Variants in FAT4 observed in about 807,000 individuals in gnomAD.
FAT4 encodes protocadherin Fat 4.
Under a neutral mutation model 303.9 loss-of-function variants are expected in FAT4, and 84 were observed. The ratio of observed to expected loss-of-function variants is 0.28; its 90% CI spans 0.23 to 0.33. The LOEUF is 0.33. Ranked by LOEUF, FAT4 falls within the 10% of genes least tolerant of loss-of-function variation. The pLI, the probability that FAT4 is intolerant of heterozygous loss-of-function variation, is 1.00. For synonymous variants in FAT4, 2,307 were observed against 2,298.8 expected, an observed-to-expected ratio of 1.00 and a Z score of -0.10; for missense variants, 6,005 against 6,146.8, an observed-to-expected ratio of 0.98 and a Z score of 0.77.
At chr4:125,489,170 G>A (rs908285007) in intron 17 of FAT4, among the ~76,000 whole-genome samples, 4 of 152,170 alleles carry the variant, frequency 2.6e-5, no homozygotes, top group Non-Finnish European at 5.9e-5. Flanking sequence ...TGGAAATTAC[G>A]CTTTTTGTAG....
chr4:125,392,259 T>C (rs1009047489), intron 2 of FAT4, among the ~76,000 whole-genome samples: 8 of 152,158 alleles, frequency 5.3e-5, no homozygotes, highest in African/African-American at 1.9e-4. Flanking sequence ...GTGCAAAGTT[T>C]GTCATAATTT....
At chr4:125,358,500 G>A (rs528970886) in intron 2 of FAT4, among the ~76,000 whole-genome samples, 14 of 152,036 alleles carry the variant, frequency 9.2e-5, no homozygotes, top group African/African-American at 3.1e-4. Context: ...CATCACCATT[G>A]GATTCTCATA....
At chr4:125,419,176 G>T (rs552541592) in intron 7 of FAT4, among the ~76,000 whole-genome samples, 1 of 152,202 alleles carries the variant, frequency 6.6e-6, no homozygotes, top group East Asian at 1.9e-4. Flanking sequence ...TAGATAAAAA[G>T]GAATACTTAT....
At position 125,320,320 on chromosome 4, in the gene FAT4, T is replaced by G. The variant is rs1212530798; in HGVS notation, c.3909T>G (p.Ile1303Met). ...TCAATTCAACGTGTACTTTAAATAT[T>G]GATATTTTAGATGAAAATGACAATA... is the stretch of plus-strand genomic sequence containing the variant. Reference protein sequence around the residue: ...IPLNSTCTLNIDILDENDNTP... With the variant: ...IPLNSTCTLNMDILDENDNTP... The change falls in exon 2 of 18, where the codon ATT becomes ATG. Residue 1303 changes from isoleucine (I) to methionine (M), a missense_variant. Ile to Met is a conservative substitution (Grantham distance 10, BLOSUM62 1). Coordinates refer to ENST00000394329, the MANE Select transcript of FAT4 (RefSeq NM_001291303.3). 1 of 1,613,406 alleles carries G rather than the reference T, an allele frequency of 6.2e-7. No individual in the cohort carries two copies. Among genetic ancestry groups the G allele is most frequent in the Non-Finnish European group, 8.5e-7 (1 of 1,179,378 alleles).
intron 2 of FAT4, among the ~76,000 whole-genome samples, chr4:125,387,702 G>C (rs1173156202): frequency 1.3e-5 from 2 of 152,058 alleles, no homozygotes; most frequent in African/African-American, 2.4e-5. Context: ...GGTAGGAAAA[G>C]GTATTAATAG....
rs780893557 is a variant in FAT4 at position 125,490,477 on chromosome 4, A to G, written c.13661A>G (p.Glu4554Gly). ...KPKEKKKKGS[E>G]NVAFDDPDNI... ...AAGGAGAAGAAGAAAAAGGGAAGTG[A>G]GAACGTTGCTTTTGATGACCCTGAC... is the stretch of plus-strand genomic sequence containing the variant. Residue 4554 changes from glutamate (E) to glycine (G), a missense_variant, in exon 18 of 18, where the codon GAG becomes GGG. Coordinates refer to ENST00000394329, the MANE Select transcript of FAT4 (RefSeq NM_001291303.3). The G allele has an allele frequency of 6.2e-7, 1 of 1,614,180 alleles. No homozygotes were observed. Among genetic ancestry groups the G allele is most frequent in the Non-Finnish European group, 8.5e-7 (1 of 1,180,044 alleles).
At chr4:125,433,425 T>C (rs1322469270) in intron 7 of FAT4, among the ~76,000 whole-genome samples, 1 of 152,220 alleles carries the variant, frequency 6.6e-6, no homozygotes, top group Non-Finnish European at 1.5e-5. Flanking sequence ...AAAAACGGTT[T>C]TGAAAACACA....
intron 2 of FAT4, among the ~76,000 whole-genome samples, chr4:125,364,289 A>G (rs1578562013): frequency 6.6e-6 from 1 of 152,098 alleles, no homozygotes; most frequent in Non-Finnish European, 1.5e-5. Flanking sequence ...GTAATCTTAT[A>G]GCATCATCTG....
intron 2 of FAT4, among the ~76,000 whole-genome samples, chr4:125,377,644 C>A (rs1733384646): frequency 6.6e-6 from 1 of 151,996 alleles, no homozygotes; most frequent in Non-Finnish European, 1.5e-5. Flanking sequence ...ATTAATGCAA[C>A]CAAACCTTTA....
chr4:125,489,870 T>TTTTTTTTTTTTTTAA, intron 17 of FAT4, 31 bp from the exon 18 acceptor site: 1 of 1,185,628 alleles, frequency 8.4e-7, no homozygotes, highest in African/African-American at 1.8e-5. Flanking sequence ...TTTTTTTTTG[T>TTTTTTTTTTTTTTAA]AAAAAGCCTT....
intron 12 of FAT4, among the ~76,000 whole-genome samples, chr4:125,469,891 T>C (rs1726799307): frequency 6.6e-6 from 1 of 152,190 alleles, no homozygotes; most frequent in African/African-American, 2.4e-5. Context: ...TGGTGACTCC[T>C]TTCCAGAAGG....
At chr4:125,406,844 C>A (rs371942147) in intron 3 of FAT4, 36 bp from the exon 4 acceptor site, 3 of 1,595,618 alleles carry the variant, frequency 1.9e-6, no homozygotes, top group African/African-American at 2.7e-5. Context: ...TGCTTTTCTA[C>A]TTCCAATAGC....
Position 125,318,726 on chromosome 4 carries a change from A to C in FAT4, c.2315A>C (p.Gln772Pro). 1 of 1,613,996 alleles carries C rather than the reference A, an allele frequency of 6.2e-7. No homozygotes were observed. Among genetic ancestry groups the C allele is most frequent in the Non-Finnish European group, 8.5e-7 (1 of 1,179,932 alleles). ...QIVATDGGNLQSPNQAIVTIT... is the reference protein window; with the variant it reads ...QIVATDGGNLPSPNQAIVTIT... ...GTAGCTACTGATGGTGGCAATTTAC[A>C]ATCTCCCAACCAGGCAATAGTAACC... Residue 772 changes from glutamine to proline, a missense_variant, in exon 2 of 18, where the codon CAA becomes CCA. By Grantham distance (76) the Gln-to-Pro change is moderately conservative. Coordinates refer to ENST00000394329, the MANE Select transcript of FAT4 (RefSeq NM_001291303.3).
At chr4:125,323,858 T>C (rs1232211139) in intron 2 of FAT4, among the ~76,000 whole-genome samples, 1 of 152,216 alleles carries the variant, frequency 6.6e-6, no homozygotes, top group Non-Finnish European at 1.5e-5. Flanking sequence ...TGTACACTGA[T>C]AAGAGTCTGG....
intron 2 of FAT4, among the ~76,000 whole-genome samples, chr4:125,383,776 C>A (rs12711125): frequency 0.99 from 150,896 of 152,306 alleles, 74,758 homozygotes; most frequent in East Asian, 1. Flanking sequence ...AAGGGACTGA[C>A]AACTCAATCA....
At chr4:125,401,861 A>G (rs1005150644) in intron 3 of FAT4, among the ~76,000 whole-genome samples, 7 of 151,920 alleles carry the variant, frequency 4.6e-5, no homozygotes, top group Non-Finnish European at 7.4e-5. Flanking sequence ...ATTTACTTTT[A>G]GAATTCCTTC....
At chr4:125,474,550 A>C (rs1726965492) in intron 12 of FAT4, among the ~76,000 whole-genome samples, 1 of 151,950 alleles carries the variant, frequency 6.6e-6, no homozygotes, top group South Asian at 2.1e-4. Flanking sequence ...AAAAATGGCA[A>C]AAAAAATTCC....
chr4:125,421,624 G>T (rs1295600345), intron 7 of FAT4, among the ~76,000 whole-genome samples: 1 of 152,164 alleles, frequency 6.6e-6, no homozygotes, highest in Non-Finnish European at 1.5e-5. Flanking sequence ...ACACTTTGGG[G>T]ATGCTACAGT....
rs1427966282 is a variant in FAT4, at chr4:125,491,866, CAGTATGGACT to C, written c.*102_*111del. ...GTTGGGTCACATTTGAAAAACAGGC[CAGTATGGACT>C]AGTGGTGGAGGGAAAACTTTAAAAA... On this transcript the variant is annotated 3_prime_UTR_variant, in exon 18 of 18. Transcript: ENST00000394329. 2 of 1,233,412 alleles carry C rather than the reference CAGTATGGACT, an allele frequency of 1.6e-6. No homozygotes were observed. Among genetic ancestry groups the C allele is most frequent in the Admixed American group, 2.8e-5 (1 of 36,090 alleles). 76.4% of individuals were successfully genotyped at this position (1,233,412 alleles called of 1,614,324 possible). A position where few individuals can be genotyped will look rare whatever the true frequency, so the allele number is the denominator to read the frequency against.
Sources: gnomAD v4.1 joint callset for allele counts (sites outside exome capture counted in the v4.1 genomes callset) on GRCh38, gnomAD v4.1.1 for gene constraint, MANE v1.5 for transcripts, NCBI Gene and HGNC (gene_info 2026-07-23, HGNC 2026-07-21) for gene names.